Variants in R3HDM2 observed in about 807,000 individuals in gnomAD.
R3HDM2 encodes the protein R3H domain containing 2.
R3HDM2 carries 38 observed loss-of-function variants against 124.5 expected under a neutral mutation model. The ratio of observed to expected loss-of-function variants is 0.31; its 90% CI spans 0.24 to 0.40. The LOEUF (loss-of-function observed/expected upper bound fraction) is 0.40, where lower values mean the gene tolerates loss of function less well. R3HDM2 is among the 10% of genes least tolerant of loss of function. R3HDM2 has a pLI of 1.00. For synonymous variants in R3HDM2, 391 were observed against 448.0 expected (o/e 0.87, Z 1.61); for missense variants, 869 against 1,236.9 (o/e 0.70, Z 4.46).
At chr12:57,403,580 G>A (rs188723544) in intron 1 of R3HDM2, among the ~76,000 whole-genome samples, 76 of 152,172 alleles carry the variant, frequency 5.0e-4, no homozygotes, top group African/African-American at 1.8e-3. Context: ...AGACAGGGGC[G>A]GGTGTATTGC....
At chr12:57,426,412 G>C (rs2070743218) in intron 1 of R3HDM2, among the ~76,000 whole-genome samples, 1 of 152,152 alleles carries the variant, frequency 6.6e-6, no homozygotes, top group South Asian at 2.1e-4. Flanking sequence ...ACCATTGTTA[G>C]AGAAACCTAT....
chr12:57,357,306 A>T (rs1201951782), intron 2 of R3HDM2, among the ~76,000 whole-genome samples: 1 of 151,814 alleles, frequency 6.6e-6, no homozygotes. Flanking sequence ...TACTAAAAAT[A>T]CAAAACTTAG....
chr12:57,424,114 C>CAAAAAAAAAAAAAAAAAAAAAAA, intron 1 of R3HDM2, among the ~76,000 whole-genome samples: 1 of 63,862 alleles, frequency 1.6e-5, no homozygotes, highest in Non-Finnish European at 2.7e-5. Context: ...AACTCTGTCT[C>CAAAAAAAAAAAAAAAAAAAAAAA]AAAAAAAAAA....
Position 57,365,593 on chromosome 12 carries a change from G to C in R3HDM2, c.-36+30156C>G, listed in dbSNP as rs532987276. The stretch of plus-strand genomic sequence containing the variant: ...CAAATGGCTCAAAGAACTCAAAACA[G>C]AAAATCTCAAAGAGAACTACCAAAG... On this transcript the variant is annotated intron_variant, in intron 2 of 23. Transcript: ENST00000402412. 2.0e-5 allele frequency among the ~76,000 whole-genome samples: 3 copies of C among 152,302 alleles called. No homozygotes were observed. The South Asian group carries it at 6.2e-4, about 32-fold the overall frequency.
intron 2 of R3HDM2, among the ~76,000 whole-genome samples, chr12:57,344,728 G>C (rs2059918941): frequency 6.6e-6 from 1 of 152,114 alleles, no homozygotes. Flanking sequence ...AGAAATGACA[G>C]GGGAAAGAGT....
At chr12:57,318,023 C>T (rs1272997677) in intron 2 of R3HDM2, among the ~76,000 whole-genome samples, 2 of 148,758 alleles carry the variant, frequency 1.3e-5, no homozygotes, top group African/African-American at 4.9e-5. Flanking sequence ...GGCGAGGTGG[C>T]TCATGCCTGT....
chr12:57,373,476 G>T (rs1349482927), intron 2 of R3HDM2, among the ~76,000 whole-genome samples: 1 of 151,648 alleles, frequency 6.6e-6, no homozygotes, highest in Non-Finnish European at 1.5e-5. Context: ...TCCAGCCTGG[G>T]TGACAGAGCA....
At chr12:57,341,405 T>C (rs2059551078) in intron 2 of R3HDM2, 1 of 984,594 alleles carries the variant, frequency 1.0e-6, no homozygotes, top group Non-Finnish European at 1.2e-6. Context: ...TGGATTTTTC[T>C]TCTTCCTTCT....
Position 57,299,430 on chromosome 12 carries a change from T to C in R3HDM2, c.343A>G (p.Lys115Glu). The stretch of plus-strand genomic sequence containing the variant: ...TTTTCAGAGACATCTTTTGTGGACT[T>C]TTCTTCCTCCTTGTCAGAAGGGCAA... ...ISCPSDKEEE[K>E]STKDVSEKED... Residue 115 changes from lysine (K) to glutamate (E), a missense_variant, in exon 6 of 24, where the codon AAG (lysine) becomes GAG (glutamate). Physicochemically the swap from Lys to Glu is moderately conservative, Grantham distance 56 (BLOSUM62 1). Transcript: ENST00000402412. The C allele has an allele frequency of 6.5e-7, 1 of 1,544,774 alleles. No homozygotes were observed. Among genetic ancestry groups the C allele is most frequent in the Non-Finnish European group, 8.8e-7 (1 of 1,140,504 alleles).
chr12:57,271,599 TTTTGAACTCGATA>T (rs2043605594), intron 14 of R3HDM2, among the ~76,000 whole-genome samples: 1 of 152,198 alleles, frequency 6.6e-6, no homozygotes, highest in Admixed American at 6.5e-5. Context: ...CTGCAGATTA[TTTTGAACTCGATA>T]TTCCAGGACA....
At chr12:57,320,680 T>A (rs911427190) in intron 2 of R3HDM2, among the ~76,000 whole-genome samples, 46 of 152,110 alleles carry the variant, frequency 3.0e-4, no homozygotes, top group Non-Finnish European at 5.7e-4. Context: ...GATTCACCTA[T>A]TTTTTTCAGG....
At chr12:57,364,142 T>C in intron 2 of R3HDM2, among the ~76,000 whole-genome samples, 1 of 91,268 alleles carries the variant, frequency 1.1e-5, no homozygotes, top group Admixed American at 1.7e-4. Flanking sequence ...AGACTCGGTG[T>C]CTTTTTTTTT....
At chr12:57,387,540 T>A (rs2066025982) in intron 2 of R3HDM2, among the ~76,000 whole-genome samples, 2 of 152,202 alleles carry the variant, frequency 1.3e-5, no homozygotes, top group African/African-American at 4.8e-5. Context: ...AAATAGGTAT[T>A]TTAAATTTTC....
intron 2 of R3HDM2, among the ~76,000 whole-genome samples, chr12:57,378,205 T>G (rs1254557480): frequency 1.3e-5 from 2 of 152,136 alleles, no homozygotes; most frequent in African/African-American, 2.4e-5. Context: ...TGTAACAAAA[T>G]GAAACTATTA....
chr12:57,420,870 CTTCTCT>C (rs2070123060), intron 1 of R3HDM2, among the ~76,000 whole-genome samples: 1 of 152,194 alleles, frequency 6.6e-6, no homozygotes, highest in Admixed American at 6.5e-5. Flanking sequence ...CCAGTCCCAA[CTTCTCT>C]GACTCTGGAC....
intron 2 of R3HDM2, among the ~76,000 whole-genome samples, chr12:57,317,725 C>G (rs977776730): frequency 2.7e-5 from 4 of 149,480 alleles, no homozygotes; most frequent in Non-Finnish European, 5.9e-5. Context: ...GGCCGGGTGG[C>G]TCGCGCCTGT....
intron 11 of R3HDM2, among the ~76,000 whole-genome samples, chr12:57,292,139 AGGCT>A (rs1267153266): frequency 6.6e-6 from 1 of 152,222 alleles, no homozygotes; most frequent in Non-Finnish European, 1.5e-5. Context: ...CCTAAAAATG[AGGCT>A]GGTCAAACAA....
At chr12:57,402,589 C>A (rs968380111) in intron 1 of R3HDM2, among the ~76,000 whole-genome samples, 1 of 151,486 alleles carries the variant, frequency 6.6e-6, no homozygotes, top group Non-Finnish European at 1.5e-5. Context: ...ACCAAAATGG[C>A]GAAACCCCAT....
intron 1 of R3HDM2, among the ~76,000 whole-genome samples, chr12:57,406,000 G>C (rs143392209): frequency 6.6e-6 from 1 of 152,016 alleles, no homozygotes; most frequent in South Asian, 2.1e-4. Flanking sequence ...ATTTGCCAAA[G>C]ATGAGACAAT....
Sources: gnomAD v4.1 joint callset for allele counts (sites outside exome capture counted in the v4.1 genomes callset) on GRCh38, gnomAD v4.1.1 for gene constraint, MANE v1.5 for transcripts, NCBI Gene and HGNC (gene_info 2026-07-23, HGNC 2026-07-21) for gene names.